The following MAGI1 variants were observed in gnomAD, a reference collection of about 807,000 sequenced individuals.
The protein encoded by MAGI1 is membrane associated guanylate kinase, WW and PDZ domain containing 1.
MAGI1 carries 58 observed loss-of-function variants against 139.9 expected under a neutral mutation model. The ratio of observed to expected loss-of-function variants is 0.41; its 90% CI spans 0.34 to 0.52. MAGI1 has a LOEUF of 0.52. Ranked by LOEUF, MAGI1 falls within the 20% of genes least tolerant of loss-of-function variation. The pLI, the probability that MAGI1 is intolerant of heterozygous loss-of-function variation, is 0.12. For synonymous variants in MAGI1, 812 were observed against 737.9 expected (o/e 1.10, Z -1.63); for missense variants, 1,874 against 1,901.6 (o/e 0.99, Z 0.27).
At chr3:65,910,327 T>A (rs909334896) in intron 1 of MAGI1, among the ~76,000 whole-genome samples, 3 of 152,114 alleles carry the variant, frequency 2.0e-5, no homozygotes, top group Non-Finnish European at 4.4e-5. Context: ...TATCCCCCCA[T>A]GAAAAAGTTA....
chr3:65,666,215 T>C (rs1241667784), intron 1 of MAGI1, among the ~76,000 whole-genome samples: 4 of 152,022 alleles, frequency 2.6e-5, no homozygotes. Flanking sequence ...AAACTTTCCA[T>C]GTGTGTGTGT....
chr3:65,670,348 G>GTATATA (rs35439311), intron 1 of MAGI1, among the ~76,000 whole-genome samples: 8 of 150,064 alleles, frequency 5.3e-5, no homozygotes, highest in East Asian at 3.9e-4. Context: ...TGCCATGTGT[G>GTATATA]TATATATATA....
chr3:65,891,890 ATATATATATATATATATATATATAT>A (rs1559983598), intron 1 of MAGI1, among the ~76,000 whole-genome samples: 17 of 1,300 alleles, frequency 0.013, 1 homozygote, highest in African/African-American at 0.025. Context: ...AGTATAATAT[ATATATATATATATATATATATATAT>A]ATATATATAT....
At chr3:65,812,353 G>A (rs1388472719) in intron 1 of MAGI1, among the ~76,000 whole-genome samples, 1 of 151,948 alleles carries the variant, frequency 6.6e-6, no homozygotes, top group Non-Finnish European at 1.5e-5. Flanking sequence ...AGCAGGGCTA[G>A]CATGATGGGG....
intron 2 of MAGI1, among the ~76,000 whole-genome samples, chr3:65,547,593 T>TTAA (rs2079564310): frequency 6.6e-6 from 1 of 152,086 alleles, no homozygotes; most frequent in Admixed American, 6.5e-5. Context: ...AGAAGCAGGG[T>TTAA]TAAAAGCAGG....
intron 4 of MAGI1, among the ~76,000 whole-genome samples, chr3:65,474,796 G>A (rs1243186578): frequency 6.6e-6 from 1 of 152,132 alleles, no homozygotes; most frequent in Non-Finnish European, 1.5e-5. Context: ...CCATAAAGCT[G>A]ATGAACTTGA....
At chr3:66,020,909 A>T (rs2067925488) in intron 1 of MAGI1, among the ~76,000 whole-genome samples, 1 of 152,136 alleles carries the variant, frequency 6.6e-6, no homozygotes, top group African/African-American at 2.4e-5. Flanking sequence ...GCGCACTACC[A>T]TATGCTGAGC....
intron 1 of MAGI1, among the ~76,000 whole-genome samples, chr3:65,765,914 C>A (rs532704835): frequency 6.6e-6 from 1 of 152,300 alleles, no homozygotes; most frequent in East Asian, 1.9e-4. Flanking sequence ...CATTTGTGAA[C>A]CCTGGTAGTG....
intron 1 of MAGI1, among the ~76,000 whole-genome samples, chr3:65,973,001 C>T (rs974324591): frequency 5.9e-5 from 9 of 151,930 alleles, no homozygotes; most frequent in African/African-American, 1.9e-4. Flanking sequence ...AAAAGTAAGG[C>T]AGTCCAGGTG....
At position 65,581,073 on chromosome 3, in the gene MAGI1, C is replaced by A. The variant is rs545646766; in HGVS notation, c.430+40899G>T. On this transcript the variant is annotated intron_variant, in intron 2 of 22. Transcript: ENST00000402939. The stretch of plus-strand genomic sequence containing the variant: ...TCATACCACCCATCAAAAATATCTA[C>A]ACACCCTGTGCCAGCTCCCATCACC... 5.4e-3 allele frequency among the ~76,000 whole-genome samples: 819 copies of A among 152,220 alleles called. 5 individuals carry two copies. The highest frequency in any genetic ancestry group is 8.5e-3 in the Non-Finnish European group (575 of 68,024).
chr3:65,980,741 C>G (rs530176560), intron 1 of MAGI1, among the ~76,000 whole-genome samples: 1 of 152,066 alleles, frequency 6.6e-6, no homozygotes, highest in Non-Finnish European at 1.5e-5. Context: ...TTGGAATGCT[C>G]GCTTATTAGT....
chr3:65,737,922 C>A (rs1173006125), intron 1 of MAGI1, among the ~76,000 whole-genome samples: 1 of 152,152 alleles, frequency 6.6e-6, no homozygotes, highest in African/African-American at 2.4e-5. Flanking sequence ...AAACCTGCCT[C>A]ATTAGGACTC....
chr3:65,776,637 C>T (rs972241118), intron 1 of MAGI1, among the ~76,000 whole-genome samples: 2 of 152,090 alleles, frequency 1.3e-5, no homozygotes, highest in African/African-American at 4.8e-5. Context: ...ATAATTAATG[C>T]CAGCTTTCAG....
At chr3:65,405,887 C>T (rs1021116563) in intron 12 of MAGI1, among the ~76,000 whole-genome samples, 14 of 135,988 alleles carry the variant, frequency 1.0e-4, no homozygotes, top group African/African-American at 2.8e-4. Context: ...GTCACCACGC[C>T]TGGCTAGTTT....
At chr3:65,388,627 G>T (rs990467284) in intron 14 of MAGI1, among the ~76,000 whole-genome samples, 2 of 152,054 alleles carry the variant, frequency 1.3e-5, no homozygotes, top group Non-Finnish European at 2.9e-5. Flanking sequence ...TAATTACCAT[G>T]GGGGCCAGGG....
chr3:65,605,783 T>TAG (rs2082710733), intron 2 of MAGI1, among the ~76,000 whole-genome samples: 2 of 152,212 alleles, frequency 1.3e-5, no homozygotes, highest in African/African-American at 4.8e-5. Flanking sequence ...AGATTACTTA[T>TAG]ATAGGAAACA....
intron 1 of MAGI1, among the ~76,000 whole-genome samples, chr3:65,629,491 T>C (rs2084163977): frequency 1.3e-5 from 2 of 152,010 alleles, no homozygotes. Context: ...AAAAAATGAT[T>C]ATAGTTGTAG....
intron 1 of MAGI1, among the ~76,000 whole-genome samples, chr3:65,888,579 G>C (rs868173835): frequency 1.1e-4 from 16 of 152,092 alleles, no homozygotes; most frequent in African/African-American, 3.9e-4. Flanking sequence ...GAAATGAAAG[G>C]AGATTTAGAA....
At chr3:65,903,824 G>A (rs2061332512) in intron 1 of MAGI1, among the ~76,000 whole-genome samples, 1 of 151,956 alleles carries the variant, frequency 6.6e-6, no homozygotes, top group African/African-American at 2.4e-5. Context: ...CCTGGCCAAT[G>A]TGGTGAAACC....
Sources: gnomAD v4.1 joint callset for allele counts (sites outside exome capture counted in the v4.1 genomes callset) on GRCh38, gnomAD v4.1.1 for gene constraint, MANE v1.5 for transcripts, NCBI Gene and HGNC (gene_info 2026-07-23, HGNC 2026-07-21) for gene names.